Variants in KCNMA1 observed in about 807,000 individuals in gnomAD.
KCNMA1 encodes Calcium-activated potassium channel subunit alpha-1.
KCNMA1 carries 29 observed loss-of-function variants against 140.0 expected under a neutral mutation model. The observed-to-expected ratio is 0.21, with a 90% CI of 0.15 to 0.28. The LOEUF is 0.28. KCNMA1 is among the 10% of genes least tolerant of loss of function. The probability of loss-of-function intolerance (pLI) is 1.00; values close to 1 mark genes in which losing one functional copy is unlikely to be tolerated. For missense variants in KCNMA1, 880 were observed against 1,602.2 expected, an observed-to-expected ratio of 0.55 and a Z score of 7.70; for synonymous variants, 612 against 611.9, an observed-to-expected ratio of 1.00 and a Z score of 0.00.
At chr10:77,071,350 T>C (rs552445279) in intron 14 of KCNMA1, 36 of 152,348 alleles carry the variant, frequency 2.4e-4, no homozygotes, top group African/African-American at 7.9e-4. Flanking sequence ...CCAAAGCCCA[T>C]GTTACATCAA....
intron 1 of KCNMA1, among the ~76,000 whole-genome samples, chr10:77,460,214 A>G (rs1336548134): frequency 6.6e-6 from 1 of 152,172 alleles, no homozygotes; most frequent in Non-Finnish European, 1.5e-5. Context: ...ATGTTCGTTG[A>G]TAAAGTCTGC....
chr10:77,346,011 C>T (rs1037948916), intron 2 of KCNMA1, among the ~76,000 whole-genome samples: 3 of 152,178 alleles, frequency 2.0e-5, no homozygotes, highest in African/African-American at 7.2e-5. Flanking sequence ...TACATACTCC[C>T]TTCCTGAAAG....
chr10:77,249,496 T>TAA (rs1384341566), intron 3 of KCNMA1: 1 of 151,864 alleles, frequency 6.6e-6, no homozygotes, highest in Non-Finnish European at 1.5e-5. Context: ...ATAAAAAAAA[T>TAA]AAAAAAACGA....
intron 2 of KCNMA1, among the ~76,000 whole-genome samples, chr10:77,403,234 C>T (rs1160610417): frequency 6.6e-6 from 1 of 152,128 alleles, no homozygotes; most frequent in East Asian, 1.9e-4. Context: ...GCAGAATCAG[C>T]CCTGGTTGCA....
intron 1 of KCNMA1, among the ~76,000 whole-genome samples, chr10:77,480,086 C>G (rs1374060387): frequency 6.6e-6 from 1 of 152,234 alleles, no homozygotes; most frequent in African/African-American, 2.4e-5. Context: ...AAGCTGGATG[C>G]GCCTCCCTCC....
intron 23 of KCNMA1, among the ~76,000 whole-genome samples, chr10:76,925,266 A>G (rs76115313): frequency 0.018 from 2,747 of 152,254 alleles, 84 homozygotes; most frequent in African/African-American, 0.063. Flanking sequence ...GCTTATGCTA[A>G]CCTTTCTTTA....
chr10:77,366,465 G>A (rs143606802), intron 2 of KCNMA1, among the ~76,000 whole-genome samples: 22 of 152,226 alleles, frequency 1.4e-4, no homozygotes, highest in African/African-American at 4.1e-4. Flanking sequence ...CACCACGCCC[G>A]GCCACATGTG....
intron 16 of KCNMA1, among the ~76,000 whole-genome samples, chr10:77,023,093 G>A (rs1156778611): frequency 7.9e-5 from 12 of 152,200 alleles, no homozygotes; most frequent in East Asian, 3.9e-4. Flanking sequence ...GAGGAGCACC[G>A]CGTCTCAAGT....
intron 19 of KCNMA1, among the ~76,000 whole-genome samples, chr10:76,976,177 G>A (rs1332651028): frequency 6.6e-6 from 1 of 152,202 alleles, no homozygotes; most frequent in East Asian, 1.9e-4. Context: ...TACTGCCCTA[G>A]GACAGGCATA....
At chr10:77,120,521 C>T (rs556789954) in intron 6 of KCNMA1, among the ~76,000 whole-genome samples, 3 of 152,128 alleles carry the variant, frequency 2.0e-5, no homozygotes, top group Non-Finnish European at 4.4e-5. Context: ...TTGTGATTGC[C>T]TCTCACAGCA....
intron 1 of KCNMA1, among the ~76,000 whole-genome samples, chr10:77,632,229 C>G (rs2093299272): frequency 1.3e-5 from 2 of 151,352 alleles, no homozygotes; most frequent in South Asian, 4.2e-4. Context: ...ATTTAAAAGG[C>G]AGGTGTGCCA....
At chr10:76,994,778 G>A (rs761109093) in intron 19 of KCNMA1, among the ~76,000 whole-genome samples, 3 of 152,290 alleles carry the variant, frequency 2.0e-5, no homozygotes, top group South Asian at 2.1e-4. Flanking sequence ...TGTTAAGATC[G>A]TTTTGAAGAG....
intron 16 of KCNMA1, among the ~76,000 whole-genome samples, chr10:77,023,631 T>C (rs1195379181): frequency 1.3e-5 from 2 of 152,190 alleles, no homozygotes; most frequent in East Asian, 3.9e-4. Context: ...GTTGGAACTT[T>C]GTTTGAACCA....
chr10:77,198,243 T>G (rs946822280), intron 3 of KCNMA1, among the ~76,000 whole-genome samples: 3 of 152,086 alleles, frequency 2.0e-5, no homozygotes, highest in Non-Finnish European at 4.4e-5. Flanking sequence ...GACAGTTAAG[T>G]GCCAACATCC....
intron 3 of KCNMA1, among the ~76,000 whole-genome samples, chr10:77,193,492 C>G (rs903689349): frequency 1.3e-5 from 2 of 151,778 alleles, no homozygotes; most frequent in Admixed American, 6.6e-5. Flanking sequence ...TTTAGGGAAC[C>G]CTTATTTATC....
intron 1 of KCNMA1, among the ~76,000 whole-genome samples, chr10:77,421,588 G>A (rs2096868467): frequency 6.6e-6 from 1 of 152,182 alleles, no homozygotes; most frequent in African/African-American, 2.4e-5. Flanking sequence ...TATTCCAGCG[G>A]AATTTTATTT....
chr10:76,898,639 CA>C (rs555676994), intron 25 of KCNMA1, among the ~76,000 whole-genome samples: 2 of 151,412 alleles, frequency 1.3e-5, no homozygotes. Flanking sequence ...TCCAGAACAT[CA>C]AAAAAATTTT....
chr10:77,633,600 T>TA (rs1313451153), intron 1 of KCNMA1, among the ~76,000 whole-genome samples: 1 of 152,344 alleles, frequency 6.6e-6, no homozygotes, highest in East Asian at 1.9e-4. Flanking sequence ...CCTGGGTAAT[T>TA]ACCAAGCTGT....
chr10:77,141,259 T>A (rs187398417), intron 5 of KCNMA1, among the ~76,000 whole-genome samples: 20 of 152,218 alleles, frequency 1.3e-4, no homozygotes, highest in African/African-American at 4.3e-4. Flanking sequence ...CTTCTCTCAT[T>A]ACCAACCCCA....
Sources: allele counts gnomAD v4.1 joint callset (sites outside exome capture counted in the v4.1 genomes callset), GRCh38; gene constraint gnomAD v4.1.1; transcripts MANE v1.5; gene names NCBI Gene and HGNC (gene_info 2026-07-23, HGNC 2026-07-21).